The following CRKL variants were observed in gnomAD, a reference collection of about 807,000 sequenced individuals.
The protein encoded by CRKL is crk-like protein.
Under a neutral mutation model 23.0 loss-of-function variants are expected in CRKL, and 3 were observed. The observed-to-expected ratio is 0.13, with a 90% CI of 0.06 to 0.34. The LOEUF (loss-of-function observed/expected upper bound fraction) is 0.34. Among genes scored for constraint, CRKL ranks in the 10% least tolerant of loss-of-function variants. The pLI, the probability that CRKL is intolerant of heterozygous loss-of-function variation, is 1.00. For synonymous variants in CRKL, 188 were observed against 160.7 expected, an observed-to-expected ratio of 1.17 and a Z score of -1.28; for missense variants, 256 against 394.5, an observed-to-expected ratio of 0.65 and a Z score of 2.97.
chr22:20,924,906 C>G (rs1287054143), intron 1 of CRKL, among the ~76,000 whole-genome samples: 2 of 148,614 alleles, frequency 1.3e-5, no homozygotes, highest in East Asian at 2.0e-4. Flanking sequence ...AGTTGTGTTC[C>G]CAGCCGGATG....
chr22:20,925,733 C>T (rs1921177110), intron 1 of CRKL, among the ~76,000 whole-genome samples: 1 of 152,140 alleles, frequency 6.6e-6, no homozygotes, highest in Non-Finnish European at 1.5e-5. Context: ...AAGGTGCACA[C>T]TCAACGGTAT....
chr22:20,928,808 A>G, intron 1 of CRKL, among the ~76,000 whole-genome samples: 1 of 85,790 alleles, frequency 1.2e-5, no homozygotes. Context: ...ACGAGATCCC[A>G]TCTCAAAAAA....
chr22:20,937,549 T>A (rs1488706644), intron 2 of CRKL, among the ~76,000 whole-genome samples: 1 of 150,506 alleles, frequency 6.6e-6, no homozygotes, highest in Admixed American at 6.7e-5. Flanking sequence ...AGGGATCACT[T>A]AGAGCTTGGT....
At chr22:20,941,858 T>C (rs955831889) in intron 2 of CRKL, among the ~76,000 whole-genome samples, 3 of 151,874 alleles carry the variant, frequency 2.0e-5, no homozygotes, top group South Asian at 2.1e-4. Context: ...CAGAAAAAAA[T>C]ATTTTTAAAA....
chr22:20,949,806 C>G lies in CRKL; in HGVS notation c.873C>G (p.Val291=), dbSNP rs749062654. Residue 291 remains valine (V), a synonymous_variant, in exon 3 of 3, where the codon GTC becomes GTG. Coordinates refer to ENST00000354336, the MANE Select transcript of CRKL (RefSeq NM_005207.4). ...AAGGGCTTTTCCCCTTTACGCACGT[C>G]AAAATCTTTGACCCTCAAAACCCAG... is the stretch of plus-strand genomic sequence containing the variant. ...GRKGLFPFTH[V]KIFDPQNPDE... is the part of the protein sequence containing the mutation. 20 of 1,611,096 alleles carry G rather than the reference C, an allele frequency of 1.2e-5. No individual in the cohort carries two copies. Among genetic ancestry groups the G allele is most frequent in the African/African-American group, 1.1e-4 (8 of 74,758 alleles).
rs1922323275 is a variant in CRKL at position 20,952,687 on chromosome 22, T to G, written c.*2842T>G. 4.3e-6 allele frequency: 1 copy of G among 231,726 alleles called. No homozygotes were observed. The highest frequency in any genetic ancestry group is 8.5e-6 in the Non-Finnish European group (1 of 117,202). 14.4% of individuals were successfully genotyped at this position (231,726 alleles called of 1,614,324 possible). A position where few individuals can be genotyped will look rare whatever the true frequency, so the allele number is the denominator to read the frequency against. On this transcript the variant is annotated 3_prime_UTR_variant, in exon 3 of 3. Coordinates refer to ENST00000354336, the MANE Select transcript of CRKL (RefSeq NM_005207.4). ...TGCTACTTGCTCTGCTCTACCATGT[T>G]TAAAGAAATATTTGGATGTTAAATT...
At position 20,919,959 on chromosome 22, in the gene CRKL, C is replaced by A. The variant is rs147755275; in HGVS notation, c.311+1714C>A. ...TACTGTATAACAAAGACCAGGACAC[C>A]AAGAATCTGATTGGTGAAACCTGCG... On this transcript the variant is annotated intron_variant, in intron 1 of 2. Transcript: ENST00000354336. 6.0e-3 allele frequency among the ~76,000 whole-genome samples: 907 copies of A among 152,172 alleles called. 6 individuals are homozygous for A. Among genetic ancestry groups the A allele is most frequent in the Non-Finnish European group, 9.4e-3 (640 of 68,004 alleles).
chr22:20,927,391 A>G (rs1921259711), intron 1 of CRKL, among the ~76,000 whole-genome samples: 2 of 149,214 alleles, frequency 1.3e-5, no homozygotes, highest in African/African-American at 4.9e-5. Flanking sequence ...GGGTTTCACC[A>G]TATTGGACCA....
At chr22:20,938,635 T>C (rs867557058) in intron 2 of CRKL, among the ~76,000 whole-genome samples, 29 of 152,374 alleles carry the variant, frequency 1.9e-4, no homozygotes, top group African/African-American at 6.3e-4. Context: ...GCAATTTCTT[T>C]TTATATATTA....
rs2147918495 is a variant in CRKL, at chr22:20,949,815, T to G, written c.882T>G (p.Phe294Leu). 1 of 1,610,598 alleles carries G rather than the reference T, an allele frequency of 6.2e-7. No homozygotes were observed. The highest frequency in any genetic ancestry group is 8.5e-7 in the Non-Finnish European group (1 of 1,178,804). The change falls in exon 3 of 3, where the codon TTT (phenylalanine) becomes TTG (leucine). Residue 294 changes from phenylalanine to leucine, a missense_variant. Phe to Leu is a conservative substitution (Grantham distance 22). Coordinates refer to ENST00000354336, the MANE Select transcript of CRKL (RefSeq NM_005207.4). ...TCCCCTTTACGCACGTCAAAATCTT[T>G]GACCCTCAAAACCCAGATGAAAACG... ...GLFPFTHVKI[F>L]DPQNPDENE is the part of the protein sequence containing the mutation.
rs1287960932 is a variant in CRKL at position 20,949,977 on chromosome 22, G to A, written c.*132G>A. 10 of 1,235,564 alleles carry A rather than the reference G, an allele frequency of 8.1e-6. No individual in the cohort carries two copies. The highest frequency in any genetic ancestry group is 2.6e-5 in the Admixed American group (1 of 39,028). The allele number at this position is 1,235,564 out of a possible 1,614,324, so 76.5% of individuals were successfully genotyped here. A position where few individuals can be genotyped will look rare whatever the true frequency, so the allele number is the denominator to read the frequency against. On this transcript the variant is annotated 3_prime_UTR_variant, in exon 3 of 3. Coordinates refer to ENST00000354336, the MANE Select transcript of CRKL (RefSeq NM_005207.4). ...TCCAGCTTTCTGCAGACTGGCAGTC[G>A]CACACACATTTGGAATGCACACAGC...
rs1922203258 is a variant in CRKL, at chr22:20,949,936, C to T, written c.*91C>T. 1 of 1,484,868 alleles carries T rather than the reference C, an allele frequency of 6.7e-7. No homozygotes were observed. Among genetic ancestry groups the T allele is most frequent in the South Asian group, 1.4e-5 (1 of 72,492 alleles). The allele number at this position is 1,484,868 out of a possible 1,614,324, so 92.0% of individuals were successfully genotyped here. A position where few individuals can be genotyped will look rare whatever the true frequency, so the allele number is the denominator to read the frequency against. On this transcript the variant is annotated 3_prime_UTR_variant, in exon 3 of 3. Coordinates refer to ENST00000354336, the MANE Select transcript of CRKL (RefSeq NM_005207.4). ...AGCATTTTCTCTCATAGGCAAGTCA[C>T]ACTGCATTGCCGAAGTCCAGCTTTC...
At chr22:20,931,519 A>G (rs757083275) in intron 1 of CRKL, among the ~76,000 whole-genome samples, 10 of 152,246 alleles carry the variant, frequency 6.6e-5, no homozygotes, top group Non-Finnish European at 1.3e-4. Context: ...CCTCACATGC[A>G]TTATGCCATT....
chr22:20,935,161 C>G (rs1921606226), intron 2 of CRKL, among the ~76,000 whole-genome samples: 1 of 151,808 alleles, frequency 6.6e-6, no homozygotes, highest in African/African-American at 2.4e-5. Context: ...CACCCAGGCT[C>G]CAGCACAGTG....
intron 1 of CRKL, among the ~76,000 whole-genome samples, chr22:20,927,633 A>G (rs1921273320): frequency 6.7e-6 from 1 of 149,166 alleles, no homozygotes; most frequent in Non-Finnish European, 1.5e-5. Flanking sequence ...ACTTGAGGTC[A>G]GGAGTTCGAG....
At chr22:20,923,319 C>T (rs1921059199) in intron 1 of CRKL, among the ~76,000 whole-genome samples, 1 of 151,766 alleles carries the variant, frequency 6.6e-6, no homozygotes, top group South Asian at 2.1e-4. Flanking sequence ...TTCTGTCGCC[C>T]AGGCTGGAGT....
intron 2 of CRKL, among the ~76,000 whole-genome samples, chr22:20,945,087 G>A (rs992862990): frequency 2.6e-5 from 4 of 151,606 alleles, no homozygotes; most frequent in African/African-American, 4.9e-5. Context: ...GCCACCTCCC[G>A]GGTGCACGCC....
chr22:20,927,111 C>CAAAAAAAAAAAAAAAAAAAAAAAAAAAA (rs371278201), intron 1 of CRKL, among the ~76,000 whole-genome samples: 4 of 48,520 alleles, frequency 8.2e-5, no homozygotes, highest in East Asian at 1.1e-3. Context: ...GACTCCGTCT[C>CAAAAAAAAAAAAAAAAAAAAAAAAAAAA]AAAAAAAAAA....
rs369055917 is a variant in CRKL, at chr22:20,933,959, G to A, written c.492G>A (p.Arg164=). Residue 164 remains arginine (R), a synonymous_variant, in exon 2 of 3, where the codon CGG becomes CGA. Coordinates refer to ENST00000354336, the MANE Select transcript of CRKL (RefSeq NM_005207.4). ...CTGAAGAACAGTGGTGGAGTGCCCG[G>A]AACAAGGATGGCCGGGTTGGGATGA... ...EKPEEQWWSA[R]NKDGRVGMIP... is the part of the protein sequence containing the mutation. 1.9e-6 allele frequency: 3 copies of A among 1,614,198 alleles called. No homozygotes were observed. In the South Asian group the frequency reaches 3.3e-5, roughly 18 times the overall value.
Sources: allele counts gnomAD v4.1 joint callset (sites outside exome capture counted in the v4.1 genomes callset), GRCh38; gene constraint gnomAD v4.1.1; transcripts MANE v1.5; gene names NCBI Gene and HGNC (gene_info 2026-07-23, HGNC 2026-07-21).